MYO16: variants seen among roughly 807,000 people sequenced by gnomAD.
The protein encoded by MYO16 is unconventional myosin-XVI.
In MYO16, 94 loss-of-function variants were observed where a neutral mutation model predicts 205.3. The observed-to-expected ratio is 0.46, with a 90% CI of 0.39 to 0.54. The LOEUF (loss-of-function observed/expected upper bound fraction) is 0.54. Among genes scored for constraint, MYO16 ranks in the 20% least tolerant of loss-of-function variants. MYO16 has a pLI of 0.00. For synonymous variants in MYO16, 988 were observed against 954.0 expected, an observed-to-expected ratio of 1.04 and a Z score of -0.66; for missense variants, 2,315 against 2,387.5, an observed-to-expected ratio of 0.97 and a Z score of 0.63.
At chr13:109,142,090 A>C (rs1877127199) in intron 32 of MYO16, among the ~76,000 whole-genome samples, 1 of 152,208 alleles carries the variant, frequency 6.6e-6, no homozygotes, top group Admixed American at 6.5e-5. Flanking sequence ...CTGTAGAAGA[A>C]TGTACCTGGC....
intron 4 of MYO16, among the ~76,000 whole-genome samples, chr13:108,742,020 A>G (rs180828679): frequency 5.6e-4 from 85 of 152,236 alleles, no homozygotes; most frequent in Non-Finnish European, 1.8e-4. Flanking sequence ...TTGAGACAGA[A>G]TCTTACTTTG....
At chr13:108,947,711 T>G (rs541866771) in intron 16 of MYO16, among the ~76,000 whole-genome samples, 1 of 152,144 alleles carries the variant, frequency 6.6e-6, no homozygotes, top group Non-Finnish European at 1.5e-5. Flanking sequence ...ACTAGACGTT[T>G]CCAAGAAACA....
chr13:108,909,397 A>G (rs1212776240), intron 15 of MYO16, among the ~76,000 whole-genome samples: 1 of 152,208 alleles, frequency 6.6e-6, no homozygotes, highest in Non-Finnish European at 1.5e-5. Context: ...CACACTGGAC[A>G]TGTGTTACTT....
At chr13:108,675,971 T>C (rs1882186461) in intron 2 of MYO16, among the ~76,000 whole-genome samples, 1 of 152,218 alleles carries the variant, frequency 6.6e-6, no homozygotes, top group African/African-American at 2.4e-5. Context: ...GGTTAGATAA[T>C]ACATGCAAAT....
At chr13:108,778,206 T>C (rs907645590) in intron 4 of MYO16, among the ~76,000 whole-genome samples, 1 of 152,150 alleles carries the variant, frequency 6.6e-6, no homozygotes, top group African/African-American at 2.4e-5. Flanking sequence ...TTTCAAGGCA[T>C]TTTTTCCCGG....
chr13:108,755,041 G>A (rs1448343863), intron 4 of MYO16, among the ~76,000 whole-genome samples: 1 of 152,104 alleles, frequency 6.6e-6, no homozygotes. Flanking sequence ...GACAATAAAT[G>A]TGAGACAGCA....
At chr13:108,553,005 C>CTTTTTTTTTTT in the MYO16 span, among the ~76,000 whole-genome samples, 1 of 64,848 alleles carries the variant, frequency 1.5e-5, no homozygotes, top group African/African-American at 5.0e-5. Flanking sequence ...CTTTAATACT[C>CTTTTTTTTTTT]TTTTTTTTTT....
chr13:108,625,375 C>T (rs1879695892), upstream of MYO16, among the ~76,000 whole-genome samples: 1 of 152,122 alleles, frequency 6.6e-6, no homozygotes, highest in Non-Finnish European at 1.5e-5. Flanking sequence ...GATCCTGGTC[C>T]TGAGGCACCA....
the MYO16 span, among the ~76,000 whole-genome samples, chr13:108,588,935 CTT>C: frequency 1.3e-5 from 2 of 151,608 alleles, no homozygotes; most frequent in Non-Finnish European, 2.9e-5. Context: ...TGTTTTTACT[CTT>C]GATAATAATT....
chr13:108,789,907 C>A (rs180766913), intron 5 of MYO16, among the ~76,000 whole-genome samples: 2 of 152,150 alleles, frequency 1.3e-5, no homozygotes, highest in Non-Finnish European at 2.9e-5. Flanking sequence ...AAGGCATATG[C>A]GGATCTTATA....
intron 4 of MYO16, among the ~76,000 whole-genome samples, chr13:108,744,748 A>G (rs528369389): frequency 2.0e-5 from 3 of 152,314 alleles, no homozygotes; most frequent in African/African-American, 7.2e-5. Context: ...CAAATGTCCC[A>G]TTTTTTACCC....
chr13:109,017,119 T>A (rs955286922), intron 22 of MYO16, among the ~76,000 whole-genome samples: 26 of 152,236 alleles, frequency 1.7e-4, no homozygotes, highest in African/African-American at 6.0e-4. Flanking sequence ...TTCCTTTCCA[T>A]GTTTAGTGCT....
At chr13:108,608,800 GC>G (rs1594140552) in intron 1 of MYO16, among the ~76,000 whole-genome samples, 1 of 151,908 alleles carries the variant, frequency 6.6e-6, no homozygotes, top group African/African-American at 2.4e-5. Context: ...GCACCACCAT[GC>G]CCAGCTAATT....
At chr13:108,699,124 A>T (rs1355203255) in intron 2 of MYO16, among the ~76,000 whole-genome samples, 1 of 151,256 alleles carries the variant, frequency 6.6e-6, no homozygotes, top group African/African-American at 2.4e-5. Context: ...GTGTGTGTAT[A>T]TACACATATA....
intron 4 of MYO16, among the ~76,000 whole-genome samples, chr13:108,735,772 G>A (rs1884675699): frequency 1.3e-5 from 2 of 151,442 alleles, no homozygotes; most frequent in South Asian, 2.1e-4. Flanking sequence ...GTGTAAAAAT[G>A]TTCCTATTTC....
At chr13:108,865,609 T>C (rs1878675927) in intron 11 of MYO16, among the ~76,000 whole-genome samples, 1 of 152,096 alleles carries the variant, frequency 6.6e-6, no homozygotes, top group Non-Finnish European at 1.5e-5. Context: ...TGTATTTTAA[T>C]TGGAGTATTT....
chr13:108,568,165 G>A, the MYO16 span, among the ~76,000 whole-genome samples: 1 of 152,110 alleles, frequency 6.6e-6, no homozygotes, highest in Non-Finnish European at 1.5e-5. Flanking sequence ...AATGTTGTGA[G>A]CATTCATGTA....
intron 20 of MYO16, among the ~76,000 whole-genome samples, chr13:108,992,041 T>C (rs1195637888): frequency 6.6e-6 from 1 of 152,120 alleles, no homozygotes; most frequent in African/African-American, 2.4e-5. Flanking sequence ...ACAGAGTAAA[T>C]AGACAACCTA....
intron 31 of MYO16, among the ~76,000 whole-genome samples, chr13:109,129,532 T>C (rs1015057235): frequency 6.6e-6 from 1 of 151,750 alleles, no homozygotes; most frequent in Non-Finnish European, 1.5e-5. Context: ...AAGCGGGGAG[T>C]GTCCCGTTGC....
Sources: gnomAD v4.1 joint callset for allele counts (sites outside exome capture counted in the v4.1 genomes callset) on GRCh38, gnomAD v4.1.1 for gene constraint, MANE v1.5 for transcripts, NCBI Gene and HGNC (gene_info 2026-07-23, HGNC 2026-07-21) for gene names.